Variants in AKAP9 observed in about 807,000 individuals in gnomAD.
AKAP9 encodes the protein A-kinase anchoring protein 9.
In AKAP9, 311 loss-of-function variants were observed where a neutral mutation model predicts 488.5. The observed-to-expected ratio is 0.64, with a 90% CI of 0.58 to 0.70. AKAP9 has a LOEUF of 0.70. AKAP9 is among the 30% of genes least tolerant of loss of function. The pLI, the probability that AKAP9 is intolerant of heterozygous loss-of-function variation, is 0.00. For synonymous variants in AKAP9, 1,462 were observed against 1,483.5 expected, an observed-to-expected ratio of 0.99 and a Z score of 0.33; for missense variants, 4,215 against 4,374.5, an observed-to-expected ratio of 0.96 and a Z score of 1.03.
intron 8 of AKAP9, among the ~76,000 whole-genome samples, chr7:92,005,441 G>A (rs367974458): frequency 6.6e-6 from 1 of 152,160 alleles, no homozygotes; most frequent in African/African-American, 2.4e-5. Context: ...GAGAGCGGGA[G>A]AGTGGAAGAA....
In AKAP9 at chr7:92,045,025, C is replaced by A. The variant is rs369047678; in HGVS notation, c.5180C>A (p.Ala1727Asp). Residue 1727 changes from alanine to aspartate, a missense_variant, in exon 21 of 50, where the codon GCT becomes GAT. Ala to Asp is a moderately radical substitution (Grantham distance 126). Around this residue, in one of 5 missense-constraint regions of AKAP9, gnomAD observed 2,361 missense variants for 2,430.0 expected, o/e 0.97. Transcript: ENST00000356239. ...LSNERYALQK[A>D]NNRLLKILLE... ...CTATACAGGTATGCACTCCAGAAAG[C>A]TAATAATAGACTTTTGAAGATCCTC... 1 of 1,612,098 alleles carries A rather than the reference C, an allele frequency of 6.2e-7. No individual in the cohort carries two copies. The highest frequency in any genetic ancestry group is 8.5e-7 in the Non-Finnish European group (1 of 1,178,386).
chr7:91,958,127 G>A (rs994178897), intron 1 of AKAP9, among the ~76,000 whole-genome samples: 3 of 152,130 alleles, frequency 2.0e-5, no homozygotes, highest in African/African-American at 7.2e-5. Flanking sequence ...GATGTCCATG[G>A]GAGCTGATGA....
rs1483601869 is a variant in AKAP9, at chr7:92,080,124, G to A, written c.7991G>A (p.Arg2664Lys). Reference protein sequence around the residue: ...EKKQREKEKKRSPQDVEVLKT... With the variant: ...EKKQREKEKKKSPQDVEVLKT... ...AAACAGAGAGAGAAAGAAAAGAAAA[G>A]AAGCCCTCAAGATGTTGAAGTTCTC... The change falls in exon 31 of 50, where the codon AGA (arginine) becomes AAA (lysine). Residue 2664 changes from arginine (R) to lysine (K), a missense_variant. Coordinates refer to ENST00000356239, the MANE Select transcript of AKAP9 (RefSeq NM_005751.5). The A allele has an allele frequency of 5.6e-6, 9 of 1,592,960 alleles. No homozygotes were observed. Among genetic ancestry groups the A allele is most frequent in the African/African-American group, 1.3e-5 (1 of 74,094 alleles).
At chr7:92,103,732 G>A (rs1225402956) in intron 46 of AKAP9, among the ~76,000 whole-genome samples, 8 of 151,368 alleles carry the variant, frequency 5.3e-5, no homozygotes, top group Non-Finnish European at 1.2e-4. Flanking sequence ...CCATGAACAA[G>A]CTCACACATG....
chr7:91,971,982 CTTTTTTTTT>C (rs71107846), intron 1 of AKAP9, among the ~76,000 whole-genome samples: 1,374 of 91,906 alleles, frequency 0.015, 47 homozygotes, highest in African/African-American at 0.059. Context: ...TTTTGCCTCT[CTTTTTTTTT>C]TTTTTTTTTT....
chr7:92,085,384 A>T, intron 35 of AKAP9, 111 bp from the exon 36 acceptor site: 1 of 1,043,116 alleles, frequency 9.6e-7, no homozygotes, highest in Non-Finnish European at 1.4e-6. Flanking sequence ...GTTGGGCTGG[A>T]GTTTTCTCTC....
intron 14 of AKAP9, among the ~76,000 whole-genome samples, chr7:92,024,747 T>C (rs1263698684): frequency 6.6e-6 from 1 of 152,192 alleles, no homozygotes; most frequent in Non-Finnish European, 1.5e-5. Flanking sequence ...GGCTCTGCTA[T>C]TGTAGCGCGG....
Position 92,077,841 on chromosome 7 carries a change from T to G in AKAP9, c.6911T>G (p.Leu2304Arg). ...CAATTAAATGAACAAGTTACGAAAC[T>G]CCAGCAGCAACTTAAAATTACAACA... ...IDQLNEQVTKLQQQLKITTDN... is the reference protein window; with the variant it reads ...IDQLNEQVTKRQQQLKITTDN... The change falls in exon 30 of 50, where the codon CTC becomes CGC. Residue 2304 changes from leucine to arginine, a missense_variant. Around this residue, in one of 5 missense-constraint regions of AKAP9, gnomAD observed 1,476 missense variants for 1,477.4 expected, o/e 1.00. Coordinates refer to ENST00000356239, the MANE Select transcript of AKAP9 (RefSeq NM_005751.5). 6.2e-7 allele frequency: 1 copy of G among 1,613,504 alleles called. No individual in the cohort carries two copies. Among genetic ancestry groups the G allele is most frequent in the Non-Finnish European group, 8.5e-7 (1 of 1,179,742 alleles).
At chr7:91,965,928 G>A (rs763128468) in intron 1 of AKAP9, among the ~76,000 whole-genome samples, 4 of 152,104 alleles carry the variant, frequency 2.6e-5, no homozygotes, top group Non-Finnish European at 5.9e-5. Context: ...TATTCTGGTT[G>A]TTGTTAACTC....
At chr7:92,036,270 ATCT>A (rs1462790477) in intron 16 of AKAP9, among the ~76,000 whole-genome samples, 5 of 149,928 alleles carry the variant, frequency 3.3e-5, no homozygotes, top group Non-Finnish European at 7.4e-5. Flanking sequence ...AACATTTAAG[ATCT>A]TCTTTTTGAT....
At chr7:92,024,165 A>G (rs1802732459) in intron 14 of AKAP9, among the ~76,000 whole-genome samples, 2 of 151,632 alleles carry the variant, frequency 1.3e-5, no homozygotes. Flanking sequence ...TAATTCCAGC[A>G]TTTTGGGAAG....
chr7:92,041,932 CAT>C, intron 18 of AKAP9, 112 bp from the exon 19 acceptor site: 1 of 1,106,980 alleles, frequency 9.0e-7, no homozygotes, highest in Non-Finnish European at 1.3e-6. Flanking sequence ...GAATATGAAT[CAT>C]AAGTAGAACC....
chr7:91,978,284 C>T (rs900897088), intron 2 of AKAP9, among the ~76,000 whole-genome samples: 2 of 151,334 alleles, frequency 1.3e-5, no homozygotes, highest in Admixed American at 6.6e-5. Flanking sequence ...AGTTAGGAAC[C>T]ACTGTTAATA....
intron 15 of AKAP9, among the ~76,000 whole-genome samples, chr7:92,030,426 AG>A (rs1464119696): frequency 6.7e-6 from 1 of 150,170 alleles, no homozygotes; most frequent in East Asian, 2.0e-4. Flanking sequence ...GTGGATCACG[AG>A]GTCAGGAGAT....
Position 91,970,511 on chromosome 7 carries a change from A to G in AKAP9, c.49-3200A>G, listed in dbSNP as rs2188155. ...CTTTAGCTTTTCTTGTCAGACAGGT[A>G]TGTGTTAGTGAATTCTCTCAGCTTT... is the stretch of plus-strand genomic sequence containing the variant. On this transcript the variant is annotated intron_variant, in intron 1 of 49. Transcript: ENST00000356239. 0.011 allele frequency: 4,867 copies of G among 456,282 alleles called. 34 individuals carry two copies. Among genetic ancestry groups the G allele is most frequent in the South Asian group, 0.016 (1,027 of 64,268 alleles). 28.3% of individuals were successfully genotyped at this position (456,282 alleles called of 1,614,324 possible).
chr7:92,071,157 G>T lies in AKAP9; in HGVS notation c.6612+148G>T, dbSNP rs902429639. On this transcript the variant is annotated intron_variant, in intron 28 of 49. Coordinates refer to ENST00000356239, the MANE Select transcript of AKAP9 (RefSeq NM_005751.5). ...GCTCAATGCCAAAATTGACCTTGAA[G>T]GCAGTAAACATATGAGTAATTAAGC... 3 of 740,910 alleles carry T rather than the reference G, an allele frequency of 4.0e-6. No individual in the cohort carries two copies. In the African/African-American group the frequency reaches 5.2e-5, roughly 13 times the overall value. 45.9% of individuals were successfully genotyped at this position (740,910 alleles called of 1,614,324 possible).
At chr7:91,998,303 T>G (rs1450565989) in intron 7 of AKAP9, among the ~76,000 whole-genome samples, 2 of 151,890 alleles carry the variant, frequency 1.3e-5, no homozygotes, top group Non-Finnish European at 2.9e-5. Flanking sequence ...GTGTTGATGA[T>G]CAAAAGCTCA....
Position 92,002,006 on chromosome 7 carries a change from T to C in AKAP9, c.2089T>C (p.Leu697=). 1 of 1,611,578 alleles carries C rather than the reference T, an allele frequency of 6.2e-7. No individual in the cohort carries two copies. The highest frequency in any genetic ancestry group is 2.2e-5 in the East Asian group (1 of 44,768). ...GATAACTAAGCAGAATCAATTAATT[T>C]TGGAAATTTCAAAGCTAAAAGATTT... is the stretch of plus-strand genomic sequence containing the variant. The part of the protein sequence containing the change: ...NLITKQNQLI[L]EISKLKDLQQ... The change falls in exon 8 of 50, where the codon TTG becomes CTG. Residue 697 remains leucine (L), a synonymous_variant. Coordinates refer to ENST00000356239, the MANE Select transcript of AKAP9 (RefSeq NM_005751.5).
At position 92,083,458 on chromosome 7, in the gene AKAP9, G is replaced by T; in HGVS notation, c.8449G>T (p.Val2817Phe). 6.2e-7 allele frequency: 1 copy of T among 1,613,756 alleles called. No individual in the cohort carries two copies. The highest frequency in any genetic ancestry group is 8.5e-7 in the Non-Finnish European group (1 of 1,179,798). The change falls in exon 33 of 50, where the codon GTT becomes TTT. Residue 2817 changes from valine to phenylalanine, a missense_variant. Physicochemically the swap from Val to Phe is conservative, Grantham distance 50 (BLOSUM62 -1). Transcript: ENST00000356239. ...NLQSECSSEEVTEIISQFTEK... is the reference protein window; with the variant it reads ...NLQSECSSEEFTEIISQFTEK... ...ACAGAGTGAATGTTCCTCAGAAGAAGTTACTGAAATAATCAGTCAGTTTAC... is the reference window on the plus strand; with the variant it reads ...ACAGAGTGAATGTTCCTCAGAAGAATTTACTGAAATAATCAGTCAGTTTAC...
Sources: allele counts gnomAD v4.1 joint callset (sites outside exome capture counted in the v4.1 genomes callset), GRCh38; gene constraint gnomAD v4.1.1; regional missense constraint gnomAD v4.1.1; transcripts MANE v1.5; gene names NCBI Gene and HGNC (gene_info 2026-07-23, HGNC 2026-07-21).